The following RPS6KA2 variants were observed in gnomAD, a reference collection of about 807,000 sequenced individuals.
RPS6KA2 encodes the protein ribosomal protein S6 kinase A2, also known as ribosomal protein S6 kinase alpha-2.
In RPS6KA2, 42 loss-of-function variants were observed where a neutral mutation model predicts 91.8. That is an observed-to-expected ratio of 0.46 (90% CI 0.36 to 0.59). The LOEUF is 0.59. RPS6KA2 is among the 20% of genes least tolerant of loss of function. The pLI is 0.00. For synonymous variants in RPS6KA2, 414 were observed against 393.6 expected, an observed-to-expected ratio of 1.05 and a Z score of -0.61; for missense variants, 798 against 978.5, an observed-to-expected ratio of 0.82 and a Z score of 2.46.
chr6:166,460,047 C>T (rs2128460007), intron 11 of RPS6KA2, among the ~76,000 whole-genome samples: 1 of 152,358 alleles, frequency 6.6e-6, no homozygotes, highest in East Asian at 1.9e-4. Context: ...GACCCAGAGC[C>T]ACCCCAGGGT....
At chr6:166,663,602 G>A (rs1041389712) in intron 2 of RPS6KA2, among the ~76,000 whole-genome samples, 4 of 152,166 alleles carry the variant, frequency 2.6e-5, no homozygotes, top group South Asian at 2.1e-4. Context: ...CCCCAACAGC[G>A]TGGCTTCCTG....
At chr6:166,542,860 A>G (rs1041009594) in intron 1 of RPS6KA2, among the ~76,000 whole-genome samples, 1 of 152,200 alleles carries the variant, frequency 6.6e-6, no homozygotes. Flanking sequence ...GTGCAAATTA[A>G]AAGTTGTGGA....
At position 166,773,571 on chromosome 6, in the gene RPS6KA2, T is replaced by C. The variant is rs74491528; in HGVS notation, c.123+84629A>G. 9.9e-3 allele frequency among the ~76,000 whole-genome samples: 1,500 copies of C among 152,148 alleles called. 38 individuals carry two copies. The East Asian group carries it at 0.11, about 11-fold the overall frequency. On this transcript the variant is annotated intron_variant, in intron 2 of 21. Transcript: ENST00000503859. Reference sequence around the variant, plus strand: ...CGCCCACCACCACACCCAGCTAATTTTTGTGTTTTTAGCGGAGACAGGGTT... The same window carrying C: ...CGCCCACCACCACACCCAGCTAATTCTTGTGTTTTTAGCGGAGACAGGGTT...
intron 2 of RPS6KA2, among the ~76,000 whole-genome samples, chr6:166,653,856 CAT>C (rs1460783178): frequency 6.6e-6 from 1 of 152,202 alleles, no homozygotes; most frequent in African/African-American, 2.4e-5. Flanking sequence ...GCAAACAAAA[CAT>C]GTTCATTAAT....
intron 1 of RPS6KA2, among the ~76,000 whole-genome samples, chr6:166,560,510 T>G (rs1367898947): frequency 6.6e-6 from 1 of 152,228 alleles, no homozygotes; most frequent in Admixed American, 6.5e-5. Context: ...TCCATACATT[T>G]CGCTTAAGAT....
At chr6:166,790,857 A>G (rs1779065101) in intron 2 of RPS6KA2, among the ~76,000 whole-genome samples, 1 of 152,122 alleles carries the variant, frequency 6.6e-6, no homozygotes, top group African/African-American at 2.4e-5. Context: ...AGAGCTCCTG[A>G]AGGAAGCACT....
intron 2 of RPS6KA2, among the ~76,000 whole-genome samples, chr6:166,685,219 G>C (rs1410452014): frequency 2.0e-5 from 3 of 148,036 alleles, no homozygotes; most frequent in Non-Finnish European, 4.5e-5. Context: ...GATGGAGTGT[G>C]GAGTGTGTAT....
chr6:166,830,627 G>C (rs978376065), intron 2 of RPS6KA2, among the ~76,000 whole-genome samples: 1 of 151,974 alleles, frequency 6.6e-6, no homozygotes, highest in Non-Finnish European at 1.5e-5. Context: ...AATTTCCTAC[G>C]AGGCAAGGGA....
chr6:166,473,614 A>G (rs1780852963), intron 10 of RPS6KA2, among the ~76,000 whole-genome samples: 1 of 152,242 alleles, frequency 6.6e-6, no homozygotes, highest in East Asian at 1.9e-4. Context: ...GGGTTTTGGT[A>G]TCTGCCAAAA....
intron 2 of RPS6KA2, among the ~76,000 whole-genome samples, chr6:166,744,673 C>G (rs531047388): frequency 6.6e-6 from 1 of 152,338 alleles, no homozygotes; most frequent in Admixed American, 6.5e-5. Flanking sequence ...TCTGCAACAT[C>G]TGCTTGAGGG....
intron 2 of RPS6KA2, among the ~76,000 whole-genome samples, chr6:166,795,581 T>G (rs758015303): frequency 2.0e-5 from 3 of 152,188 alleles, no homozygotes; most frequent in Non-Finnish European, 4.4e-5. Context: ...TCACTTTCCT[T>G]GTAAAGGGCA....
chr6:166,459,361 G>A lies in RPS6KA2; in HGVS notation c.1075+88C>T. 2 of 766,328 alleles carry A rather than the reference G, an allele frequency of 2.6e-6. No homozygotes were observed. The highest frequency in any genetic ancestry group is 2.7e-5 in the East Asian group (1 of 37,466). 47.5% of individuals were successfully genotyped at this position (766,328 alleles called of 1,614,324 possible). ...TTATTTTCCATGAAAAGAATTCTGA[G>A]GCATGGGAATTTCTTGTTCCTAGAT... On this transcript the variant is annotated intron_variant, in intron 12 of 20. Coordinates refer to ENST00000265678, the MANE Select transcript of RPS6KA2 (RefSeq NM_021135.6). This position sits in a 1 kb window ranked among gnomAD's most constrained non-coding sequence, Gnocchi z 4.9.
chr6:166,431,740 C>T (rs1003472546), intron 15 of RPS6KA2, among the ~76,000 whole-genome samples: 2 of 152,056 alleles, frequency 1.3e-5, no homozygotes, highest in East Asian at 1.9e-4. Context: ...CCTCAGCCTC[C>T]GGAGTAGCTG....
chr6:166,627,655 G>T (rs1045277372), upstream of RPS6KA2: 2 of 152,220 alleles, frequency 1.3e-5, no homozygotes, highest in Admixed American at 6.5e-5. Context: ...CTCGGCCCGG[G>T]ACAGCTCCCG....
At chr6:166,796,883 G>C (rs1289814066) in intron 2 of RPS6KA2, among the ~76,000 whole-genome samples, 1 of 152,192 alleles carries the variant, frequency 6.6e-6, no homozygotes, top group Non-Finnish European at 1.5e-5. Context: ...CACCCATGTG[G>C]CACACTTACA....
At position 166,658,614 on chromosome 6, in the gene RPS6KA2, AC is replaced by A. The variant is rs1019685138; in HGVS notation, c.124-119831del. On this transcript the variant is annotated intron_variant, in intron 2 of 21. Transcript: ENST00000503859. Reference sequence around the variant, plus strand: ...CTTCCATGTCAGGATGTACCGGGACACCCTGGCAGAGCCAGCCCAGGGCACG... The same window carrying A: ...CTTCCATGTCAGGATGTACCGGGACACCTGGCAGAGCCAGCCCAGGGCACG... Among the ~76,000 whole-genome samples, 10 of 152,152 alleles carry A rather than the reference AC, an allele frequency of 6.6e-5. No homozygotes were observed. In the East Asian group the frequency reaches 1.8e-3, roughly 27 times the overall value.
chr6:166,790,866 C>T (rs1779065437), intron 2 of RPS6KA2, among the ~76,000 whole-genome samples: 1 of 151,934 alleles, frequency 6.6e-6, no homozygotes, highest in South Asian at 2.1e-4. Flanking sequence ...GAAGGAAGCA[C>T]TAAACATGGA....
rs1451012506 is a variant in RPS6KA2, at chr6:166,816,858, G to GATA, written c.123+41341_123+41342insTAT. ...AGGGGAATTGTTCAAAAGAACAACAGGTAGTGCTCCACAGAGCACCACTGA... is the reference window on the plus strand; with the variant it reads ...AGGGGAATTGTTCAAAAGAACAACAGATAGTAGTGCTCCACAGAGCACCACTGA... On this transcript the variant is annotated intron_variant, in intron 2 of 21. Coordinates refer to the RPS6KA2 transcript ENST00000503859. Among the ~76,000 whole-genome samples, 6 of 152,304 alleles carry GATA rather than the reference G, an allele frequency of 3.9e-5. No individual in the cohort carries two copies. In the East Asian group the frequency reaches 1.2e-3, roughly 29 times the overall value.
chr6:166,743,086 T>G (rs1298970944), intron 2 of RPS6KA2, among the ~76,000 whole-genome samples: 2 of 152,200 alleles, frequency 1.3e-5, no homozygotes, highest in Non-Finnish European at 2.9e-5. Flanking sequence ...ATACACAAAC[T>G]AGCACTTATG....
Sources: gnomAD v4.1 joint callset for allele counts (sites outside exome capture counted in the v4.1 genomes callset) on GRCh38, gnomAD v4.1.1 for gene constraint, Gnocchi (gnomAD v3.1) non-coding constraint, MANE v1.5 for transcripts, NCBI Gene and HGNC (gene_info 2026-07-23, HGNC 2026-07-21) for gene names.